Variants in PCDH11X observed in about 807,000 individuals in gnomAD.
PCDH11X encodes the protein protocadherin-11 X-linked.
A neutral mutation model predicts 53.3 loss-of-function variants in PCDH11X; 18 were observed. The observed-to-expected ratio is 0.34, with a 90% CI of 0.23 to 0.50. The LOEUF is 0.50. Among genes scored for constraint, PCDH11X ranks in the 20% least tolerant of loss-of-function variants. The probability of loss-of-function intolerance (pLI) is 0.98; values close to 1 mark genes in which losing one functional copy is unlikely to be tolerated. For synonymous variants in PCDH11X, 279 were observed against 393.3 expected, an observed-to-expected ratio of 0.71 and a Z score of 3.44; for missense variants, 570 against 1,032.4, an observed-to-expected ratio of 0.55 and a Z score of 6.14.
At chrX:92,187,652 C>T (rs1175917578) in intron 6 of PCDH11X, among the ~76,000 whole-genome samples, 1 of 111,533 alleles carries the variant, frequency 9.0e-6, no homozygotes, top group Non-Finnish European at 1.9e-5. Context: ...TCTGTCAATA[C>T]TGCTGAAATA....
At chrX:91,967,116 A>G (rs1170305607) in intron 6 of PCDH11X, among the ~76,000 whole-genome samples, 1 of 108,767 alleles carries the variant, frequency 9.2e-6, no homozygotes, top group Non-Finnish European at 1.9e-5. Context: ...TTTGCTGAGG[A>G]TGATGGCTTC....
At chrX:92,451,903 A>C (rs2072789433) in intron 9 of PCDH11X, among the ~76,000 whole-genome samples, 1 of 109,698 alleles carries the variant, frequency 9.1e-6, no homozygotes, top group African/African-American at 3.3e-5. Flanking sequence ...GGTGACTGGT[A>C]ATGATTCAAA....
chrX:92,583,218 G>A (rs78149051), intron 10 of PCDH11X, among the ~76,000 whole-genome samples: 25,441 of 102,705 alleles, frequency 0.25, 3,184 homozygotes, highest in Non-Finnish European at 0.33. Context: ...TCCTGCCTCA[G>A]CCTCCTGAGT....
intron 10 of PCDH11X, among the ~76,000 whole-genome samples, chrX:92,505,152 C>CTTTTTTTTTTTTTTTTT (rs58620449): frequency 3.1e-4 from 20 of 64,233 alleles, no homozygotes; most frequent in Middle Eastern, 0.01. Context: ...TTTCTTTTTT[C>CTTTTTTTTTTTTTTTTT]TTTTTTTTTT....
intron 6 of PCDH11X, among the ~76,000 whole-genome samples, chrX:92,173,811 C>T (rs970063418): frequency 1.6e-4 from 17 of 105,373 alleles, no homozygotes; most frequent in African/African-American, 5.9e-4. Flanking sequence ...TGGAGAACCC[C>T]CATCTCTACA....
intron 6 of PCDH11X, among the ~76,000 whole-genome samples, chrX:91,937,112 T>C (rs965637878): frequency 1.8e-5 from 2 of 109,632 alleles, no homozygotes; most frequent in African/African-American, 6.6e-5. Flanking sequence ...AGGAGAGGTT[T>C]AGACTCTGAC....
At chrX:92,345,585 C>A (rs1197797980) in intron 8 of PCDH11X, among the ~76,000 whole-genome samples, 1 of 110,783 alleles carries the variant, frequency 9.0e-6, no homozygotes, top group African/African-American at 3.3e-5. Context: ...TTATTAAATC[C>A]AGAATAACGT....
intron 6 of PCDH11X, among the ~76,000 whole-genome samples, chrX:91,894,465 T>C (rs1183159919): frequency 1.8e-5 from 2 of 111,814 alleles, no homozygotes; most frequent in African/African-American, 6.5e-5. Context: ...TGTGGTGTTT[T>C]AGATTTTCTT....
chrX:92,169,120 A>G (rs1388155542), intron 6 of PCDH11X, among the ~76,000 whole-genome samples: 1 of 101,727 alleles, frequency 9.8e-6, no homozygotes, highest in Non-Finnish European at 2.0e-5. Flanking sequence ...AAATGCCACC[A>G]TTTTGTGGAA....
At chrX:92,345,134 T>C (rs1020315749) in intron 8 of PCDH11X, among the ~76,000 whole-genome samples, 17 of 111,279 alleles carry the variant, frequency 1.5e-4, no homozygotes, top group African/African-American at 5.2e-4. Context: ...AGAGAACTTA[T>C]AAATCTTATT....
At chrX:91,823,272 G>C (rs1468343488) in intron 4 of PCDH11X, among the ~76,000 whole-genome samples, 1 of 110,674 alleles carries the variant, frequency 9.0e-6, no homozygotes, top group Non-Finnish European at 1.9e-5. Flanking sequence ...TTGACAGTGG[G>C]GTGTTAAAGT....
rs778280869 is a variant in PCDH11X at position 91,928,142 on chromosome X, G to A, written c.3033+48869G>A. ...CCCTTATCTGTACTACCAATGGCAT[G>A]CTGTGAATATATTCTTGACTGCTGC... On this transcript the variant is annotated intron_variant, in intron 6 of 10. Transcript: ENST00000682573. Among the ~76,000 whole-genome samples, 16 of 108,056 alleles carry A rather than the reference G, an allele frequency of 1.5e-4. No homozygotes were observed. The South Asian group carries it at 5.7e-3, about 39-fold the overall frequency. 93.8% of individuals were successfully genotyped at this position (108,056 alleles called of 115,157 possible).
At chrX:92,239,264 G>T (rs770908062) in intron 7 of PCDH11X, among the ~76,000 whole-genome samples, 58 of 110,884 alleles carry the variant, frequency 5.2e-4, no homozygotes, top group African/African-American at 1.9e-3. Flanking sequence ...ACTGATATTT[G>T]GCTATTCATT....
intron 6 of PCDH11X, among the ~76,000 whole-genome samples, chrX:92,054,911 CAT>C (rs920086467): frequency 3.8e-4 from 36 of 93,670 alleles, no homozygotes; most frequent in Non-Finnish European, 2.3e-4. Flanking sequence ...ACTGAAAACA[CAT>C]GTGACAATCG....
intron 6 of PCDH11X, among the ~76,000 whole-genome samples, chrX:91,931,270 A>G (rs1288036596): frequency 1.8e-5 from 2 of 110,372 alleles, no homozygotes; most frequent in Non-Finnish European, 3.8e-5. Context: ...TTACTTTTAT[A>G]TAATAAGGGG....
chrX:92,163,151 T>C (rs1879279671), intron 6 of PCDH11X, among the ~76,000 whole-genome samples: 1 of 108,039 alleles, frequency 9.3e-6, no homozygotes, highest in South Asian at 4.2e-4. Flanking sequence ...CTAGCTCTCA[T>C]GCAACCCAAA....
chrX:92,320,935 T>C (rs886147043), intron 8 of PCDH11X, among the ~76,000 whole-genome samples: 3 of 108,231 alleles, frequency 2.8e-5, no homozygotes, highest in African/African-American at 1.0e-4. Flanking sequence ...ATATGACCCA[T>C]GTTCACTTTG....
At chrX:92,582,794 C>A (rs1431936033) in intron 10 of PCDH11X, among the ~76,000 whole-genome samples, 1 of 110,215 alleles carries the variant, frequency 9.1e-6, no homozygotes, top group Non-Finnish European at 1.9e-5. Flanking sequence ...CTGTACCCTG[C>A]AAAGCCACAG....
chrX:92,232,951 C>A (rs1037862274), intron 7 of PCDH11X, among the ~76,000 whole-genome samples: 2 of 111,410 alleles, frequency 1.8e-5, no homozygotes, highest in South Asian at 3.8e-4. Flanking sequence ...TCCCGACCTC[C>A]TGATCCGCCC....
Sources: gnomAD v4.1 joint callset for allele counts (sites outside exome capture counted in the v4.1 genomes callset) on GRCh38, gnomAD v4.1.1 for gene constraint, MANE v1.5 for transcripts, NCBI Gene and HGNC (gene_info 2026-07-23, HGNC 2026-07-21) for gene names.